The following RP1 variants were observed in gnomAD, a reference collection of about 807,000 sequenced individuals.
RP1 encodes the protein RP1 axonemal microtubule associated.
RP1 carries 16 observed loss-of-function variants against 14.8 expected under a neutral mutation model. The observed-to-expected ratio is 1.08, with a 90% CI of 0.73 to 1.65. The LOEUF is 1.65. RP1 is among the 40% of genes most tolerant of loss of function. RP1 has a pLI of 0.00. For missense variants in RP1, 2,631 were observed against 2,535.0 expected, an observed-to-expected ratio of 1.04 and a Z score of -0.81; for synonymous variants, 876 against 883.6, an observed-to-expected ratio of 0.99 and a Z score of 0.15.
intron 3 of RP1, among the ~76,000 whole-genome samples, chr8:54,637,160 T>G (rs1422097314): frequency 6.6e-6 from 1 of 152,222 alleles, no homozygotes; most frequent in Non-Finnish European, 1.5e-5. Flanking sequence ...CTTGTGGACC[T>G]CATCTGGATC....
Position 54,625,406 on chromosome 8 carries a change from G to A in RP1, c.1524G>A (p.Met508Ile), listed in dbSNP as rs763557973. The A allele has an allele frequency of 1.2e-6, 2 of 1,614,020 alleles. No individual in the cohort carries two copies. Among genetic ancestry groups the A allele is most frequent in the Middle Eastern group, 1.6e-4 (1 of 6,062 alleles). ...YHMFTHSCSK[M>I]SSVSNKPVLV... The stretch of plus-strand genomic sequence containing the variant: ...TGTTTACACATTCTTGCAGTAAAAT[G>A]TCATCAGTATCTAACAAACCAGTAC... Residue 508 changes from methionine to isoleucine, a missense_variant, in exon 4 of 4, where the codon ATG becomes ATA. Met to Ile is a conservative substitution (Grantham distance 10, BLOSUM62 1). Coordinates refer to ENST00000220676, the MANE Select transcript of RP1 (RefSeq NM_006269.2).
Position 54,652,935 on chromosome 8 carries a change from A to G in RP1, c.1038+69A>G. ...GCATATTCCTCTCAGGAGTCAACTCATCATGCCTATAATGAGTTGATAGAG... is the reference window on the plus strand; with the variant it reads ...GCATATTCCTCTCAGGAGTCAACTCGTCATGCCTATAATGAGTTGATAGAG... On this transcript the variant is annotated intron_variant, in intron 5 of 22. Coordinates refer to the RP1 transcript ENST00000636932. 4 of 1,076,750 alleles carry G rather than the reference A, an allele frequency of 3.7e-6. No individual in the cohort carries two copies. The South Asian group carries it at 4.0e-5, about 11-fold the overall frequency. 66.7% of individuals were successfully genotyped at this position (1,076,750 alleles called of 1,614,324 possible). A position where few individuals can be genotyped will look rare whatever the true frequency, so the allele number is the denominator to read the frequency against.
At chr8:54,713,441 C>G (rs1050633278) in intron 15 of RP1, among the ~76,000 whole-genome samples, 11 of 152,122 alleles carry the variant, frequency 7.2e-5, no homozygotes, top group African/African-American at 2.4e-4. Context: ...GAAAAATAAG[C>G]TCAAGTGTGA....
chr8:54,686,319 C>A (rs1807562426), intron 12 of RP1, among the ~76,000 whole-genome samples: 1 of 151,710 alleles, frequency 6.6e-6, no homozygotes, highest in African/African-American at 2.4e-5. Context: ...CTGTAGACAT[C>A]TTTTCAAGAA....
In RP1 at chr8:54,582,625, C is replaced by T. The variant is rs867098529; in HGVS notation, c.-13+23305C>T. On this transcript the variant is annotated intron_variant, in intron 1 of 22. Coordinates refer to the RP1 transcript ENST00000636932. ...GCCATTTTCACGATATTGATTCTTC[C>T]TACCCATGAGCATGGAATGTTCTTC... 8.4e-4 allele frequency among the ~76,000 whole-genome samples: 127 copies of T among 151,068 alleles called. 2 individuals are homozygous for T. Among genetic ancestry groups the T allele is most frequent in the Middle Eastern group, 3.5e-3 (1 of 284 alleles).
chr8:54,562,885 G>A (rs1322852665), intron 1 of RP1, among the ~76,000 whole-genome samples: 1 of 152,150 alleles, frequency 6.6e-6, no homozygotes, highest in Non-Finnish European at 1.5e-5. Flanking sequence ...CAAAGACCAC[G>A]GAGACAGGTG....
At chr8:54,852,138 G>A (rs1325766617) in intron 25 of RP1, among the ~76,000 whole-genome samples, 1 of 151,944 alleles carries the variant, frequency 6.6e-6, no homozygotes, top group Non-Finnish European at 1.5e-5. Flanking sequence ...CGTCAAGAGG[G>A]CTATTAAAAA....
intron 12 of RP1, among the ~76,000 whole-genome samples, chr8:54,683,797 T>C (rs1414991593): frequency 6.6e-6 from 1 of 152,174 alleles, no homozygotes; most frequent in Non-Finnish European, 1.5e-5. Flanking sequence ...TATTTCCTCC[T>C]CTTGCCTGTT....
intron 12 of RP1, among the ~76,000 whole-genome samples, chr8:54,689,097 G>C (rs1807642538): frequency 6.6e-6 from 1 of 152,150 alleles, no homozygotes; most frequent in Non-Finnish European, 1.5e-5. Context: ...GTTCACTCAT[G>C]ATTTGGCTGT....
rs142106942 is a variant in RP1, at chr8:54,670,953, A to G, written c.1324-2897A>G. Among the ~76,000 whole-genome samples the G allele has an allele frequency of 1.6e-4, 24 of 151,740 alleles. No homozygotes were observed. The East Asian group carries it at 4.5e-3, about 28-fold the overall frequency. Reference sequence around the variant, plus strand: ...CTGGGCTCAAACTTCATATTTTCATATGACTTCATGTTGCTATCTAGTGTC... The same window carrying G: ...CTGGGCTCAAACTTCATATTTTCATGTGACTTCATGTTGCTATCTAGTGTC... On this transcript the variant is annotated intron_variant, in intron 7 of 22. Transcript: ENST00000636932.
In RP1 at chr8:54,855,904, A is replaced by G. The variant is rs1483227401; in HGVS notation, c.3991-1124A>G. Among the ~76,000 whole-genome samples the G allele has an allele frequency of 4.7e-5, 7 of 149,608 alleles. No homozygotes were observed. In the South Asian group the frequency reaches 1.1e-3, roughly 22 times the overall value. ...CTTCGCATACGGAGTGCATATTAGT[A>G]TAAGTATTTTTAGGAAGTGAGACTT... On this transcript the variant is annotated intron_variant, in intron 26 of 28. Coordinates refer to the RP1 transcript ENST00000637698.
chr8:54,620,716 C>T (rs1042378194), intron 1 of RP1, among the ~76,000 whole-genome samples: 11 of 151,936 alleles, frequency 7.2e-5, no homozygotes, highest in African/African-American at 2.4e-4. Context: ...GGCCCTTATT[C>T]GTGTGTTTAG....
upstream of RP1, among the ~76,000 whole-genome samples, chr8:54,611,562 C>G (rs1805592684): frequency 6.6e-6 from 1 of 152,124 alleles, no homozygotes; most frequent in African/African-American, 2.4e-5. Flanking sequence ...TTTCCTATCT[C>G]TAATAATATT....
chr8:54,663,678 T>C (rs1362489651), intron 6 of RP1: 1 of 1,505,568 alleles, frequency 6.6e-7, no homozygotes, highest in East Asian at 2.5e-5. Context: ...GCACTGAAAG[T>C]TTTTTTTCTT....
exon 16 of RP1, chr8:54,720,291 C>G (rs1168420787): frequency 7.8e-6 from 12 of 1,535,002 alleles, no homozygotes; most frequent in Non-Finnish European, 1.0e-5. Context: ...TTGCTTCTAT[C>G]CACAAGTCAT....
intron 14 of RP1, among the ~76,000 whole-genome samples, chr8:54,704,957 T>C (rs1808115465): frequency 6.6e-6 from 1 of 152,216 alleles, no homozygotes. Context: ...GACCACATCA[T>C]TTATTATTTT....
intron 24 of RP1, among the ~76,000 whole-genome samples, chr8:54,832,881 G>A (rs564880213): frequency 3.3e-4 from 50 of 152,066 alleles, no homozygotes; most frequent in African/African-American, 1.2e-3. Context: ...CTAATGCATG[G>A]TACTTCTAGG....
At chr8:54,614,893 A>G (rs1051162423), upstream of RP1, among the ~76,000 whole-genome samples, 4 of 152,220 alleles carry the variant, frequency 2.6e-5, no homozygotes, top group East Asian at 7.7e-4. Flanking sequence ...TGAATTGTTT[A>G]TCAGACATAG....
At chr8:54,818,956 G>A (rs1811194362) in intron 24 of RP1, among the ~76,000 whole-genome samples, 1 of 151,986 alleles carries the variant, frequency 6.6e-6, no homozygotes, top group African/African-American at 2.4e-5. Context: ...GTGCCAGGAT[G>A]TTACAGAGGA....
Sources: allele counts gnomAD v4.1 joint callset (sites outside exome capture counted in the v4.1 genomes callset), GRCh38; gene constraint gnomAD v4.1.1; transcripts MANE v1.5; gene names NCBI Gene and HGNC (gene_info 2026-07-23, HGNC 2026-07-21).